The following ALX1 variants were observed in gnomAD, a reference collection of about 807,000 sequenced individuals.
ALX1 encodes the protein ALX homeobox protein 1.
A neutral mutation model predicts 31.7 loss-of-function variants in ALX1; 19 were observed. The observed-to-expected ratio is 0.60, with a 90% CI of 0.42 to 0.88. ALX1 has a LOEUF of 0.88. Among genes scored for constraint, ALX1 ranks in the 40% least tolerant of loss-of-function variants. The probability of loss-of-function intolerance (pLI) is 0.00; values close to 1 mark genes in which losing one functional copy is unlikely to be tolerated. For synonymous variants in ALX1, 153 were observed against 148.8 expected (o/e 1.03, Z -0.20); for missense variants, 415 against 407.8 (o/e 1.02, Z -0.15).
chr12:85,295,770 C>T (rs1051771762), intron 3 of ALX1, among the ~76,000 whole-genome samples: 2 of 151,182 alleles, frequency 1.3e-5, no homozygotes, highest in South Asian at 2.1e-4. Context: ...TAAATATGAT[C>T]GATGTTGGTG....
chr12:85,298,356 G>A (rs76409154), intron 3 of ALX1, among the ~76,000 whole-genome samples: 1 of 151,610 alleles, frequency 6.6e-6, no homozygotes, highest in Admixed American at 6.6e-5. Flanking sequence ...AATGCCTCAC[G>A]CATGGTAATT....
At chr12:85,291,159 T>G (rs1375315508) in intron 3 of ALX1, among the ~76,000 whole-genome samples, 1 of 151,164 alleles carries the variant, frequency 6.6e-6, no homozygotes, top group African/African-American at 2.4e-5. Context: ...AATTTCTTCC[T>G]CTGTTCAAAA....
intron 3 of ALX1, among the ~76,000 whole-genome samples, chr12:85,288,321 C>CA (rs1276710605): frequency 6.6e-6 from 1 of 151,488 alleles, no homozygotes; most frequent in Non-Finnish European, 1.5e-5. Context: ...ATCTCCTTGC[C>CA]ATAGGAGGAA....
At chr12:85,292,272 C>A (rs1170715929) in intron 3 of ALX1, among the ~76,000 whole-genome samples, 1 of 150,902 alleles carries the variant, frequency 6.6e-6, no homozygotes, top group African/African-American at 2.4e-5. Flanking sequence ...AATTGAAAAC[C>A]AAATACGGTA....
rs764562708 is a variant in ALX1 at position 85,301,144 on chromosome 12, A to T, written c.661-11A>T. 1 of 1,613,696 alleles carries T rather than the reference A, an allele frequency of 6.2e-7. No individual in the cohort carries two copies. On this transcript the variant is annotated splice_polypyrimidine_tract_variant and intron_variant, in intron 3 of 3. Coordinates refer to ENST00000316824, the MANE Select transcript of ALX1 (RefSeq NM_006982.3). ...ATGTAAATGTAATATTTGTTGTTTT[A>T]TATATTCCAGATTCAGAACAATTTG...
At chr12:85,288,112 G>A (rs549686806) in intron 3 of ALX1, among the ~76,000 whole-genome samples, 1 of 151,426 alleles carries the variant, frequency 6.6e-6, no homozygotes, top group Non-Finnish European at 1.5e-5. Flanking sequence ...TTAAATAAAA[G>A]AAGTCTTGGA....
intron 3 of ALX1, among the ~76,000 whole-genome samples, chr12:85,295,992 G>T (rs1375081948): frequency 6.6e-6 from 1 of 151,428 alleles, no homozygotes; most frequent in African/African-American, 2.4e-5. Context: ...ACTATAAAAT[G>T]CTATCATGAA....
At chr12:85,294,630 T>C (rs1896862890) in intron 3 of ALX1, among the ~76,000 whole-genome samples, 1 of 151,194 alleles carries the variant, frequency 6.6e-6, no homozygotes, top group African/African-American at 2.4e-5. Flanking sequence ...CACATTTATA[T>C]GATGTTATGC....
chr12:85,280,848 CG>C (rs566532576), intron 1 of ALX1, among the ~76,000 whole-genome samples: 47 of 152,140 alleles, frequency 3.1e-4, no homozygotes, highest in African/African-American at 1.1e-3. Context: ...GCTTCCTCTG[CG>C]AGCCCGCCTT....
rs750676414 is a variant in ALX1, at chr12:85,283,664, G to T, written c.319G>T (p.Val107Leu). 1 of 1,614,108 alleles carries T rather than the reference G, an allele frequency of 6.2e-7. No individual in the cohort carries two copies. The highest frequency in any genetic ancestry group is 8.5e-7 in the Non-Finnish European group (1 of 1,180,000). Residue 107 changes from valine (V) to leucine (L), a missense_variant, in exon 2 of 4, where the codon GTG (valine) becomes TTG (leucine). By Grantham distance (32) the Val-to-Leu change is conservative. Around this residue, in one of 3 missense-constraint regions of ALX1, gnomAD observed 235 missense variants for 208.9 expected, o/e 1.13. Transcript: ENST00000316824. ...DNCNSLRMSPVKGMQEKGELD... is the reference protein window; with the variant it reads ...DNCNSLRMSPLKGMQEKGELD... ...CTGTAACAGTCTCCGAATGTCTCCCGTGAAAGGGATGCAAGAGAAGGGAGA... is the reference window on the plus strand; with the variant it reads ...CTGTAACAGTCTCCGAATGTCTCCCTTGAAAGGGATGCAAGAGAAGGGAGA...
Position 85,280,444 on chromosome 12 carries a change from T to G in ALX1, c.183T>G (p.His61Gln). The G allele has an allele frequency of 6.2e-7, 1 of 1,611,954 alleles. No individual in the cohort carries two copies. Among genetic ancestry groups the G allele is most frequent in the Non-Finnish European group, 8.5e-7 (1 of 1,179,970 alleles). The stretch of plus-strand genomic sequence containing the variant: ...TCGGACCCCTGCCCCGCGCCGAGCA[T>G]CACGTGCGCTTGGAGAGGACCTCGC... ...QAFGPLPRAEHHVRLERTSPC... is the reference protein window; with the variant it reads ...QAFGPLPRAEQHVRLERTSPC... Residue 61 changes from histidine to glutamine, a missense_variant, in exon 1 of 4, where the codon CAT (histidine) becomes CAG (glutamine). Physicochemically the swap from His to Gln is conservative, Grantham distance 24. Around this residue, in one of 3 missense-constraint regions of ALX1, gnomAD observed 235 missense variants for 208.9 expected, o/e 1.13. Transcript: ENST00000316824.
intron 3 of ALX1, among the ~76,000 whole-genome samples, chr12:85,295,077 T>C (rs1565943022): frequency 6.6e-6 from 1 of 151,404 alleles, no homozygotes; most frequent in Non-Finnish European, 1.5e-5. Context: ...CCCTCACTTT[T>C]ACCTTAGGCA....
intron 3 of ALX1, among the ~76,000 whole-genome samples, chr12:85,296,979 C>T (rs569821807): frequency 3.3e-5 from 5 of 151,644 alleles, no homozygotes; most frequent in African/African-American, 1.2e-4. Context: ...AATCAGAGTG[C>T]GATTTTGATG....
intron 3 of ALX1, among the ~76,000 whole-genome samples, chr12:85,289,473 A>G (rs891869294): frequency 2.6e-5 from 4 of 151,364 alleles, no homozygotes; most frequent in Middle Eastern, 3.4e-3. Context: ...TTTCACTCCA[A>G]TGAAAAATTA....
intron 2 of ALX1, among the ~76,000 whole-genome samples, chr12:85,286,583 A>G (rs938363334): frequency 6.6e-6 from 1 of 151,906 alleles, no homozygotes; most frequent in African/African-American, 2.4e-5. Flanking sequence ...TTTTCCATAA[A>G]TGAGAAAACA....
intron 3 of ALX1, among the ~76,000 whole-genome samples, chr12:85,288,869 G>C (rs1006520101): frequency 4.0e-5 from 6 of 151,298 alleles, no homozygotes; most frequent in African/African-American, 1.5e-4. Flanking sequence ...GTAAGTCTGC[G>C]CTTTAGTGTC....
chr12:85,283,608 T>C lies in ALX1; in HGVS notation c.263T>C (p.Leu88Pro). ...YGITKVEGQP[L>P]HTELNRAMDN... is the part of the protein sequence containing the mutation. Reference sequence around the variant, plus strand: ...ATCACTAAAGTAGAAGGACAGCCCCTTCACACCGAACTGAATAGAGCTATG... The same window carrying C: ...ATCACTAAAGTAGAAGGACAGCCCCCTCACACCGAACTGAATAGAGCTATG... The change falls in exon 2 of 4, where the codon CTT becomes CCT. Residue 88 changes from leucine to proline, a missense_variant. Physicochemically the swap from Leu to Pro is moderately conservative, Grantham distance 98. This residue lies in a region of ALX1 where 235 missense variants were observed against 208.9 expected (regional missense o/e 1.13). Coordinates refer to ENST00000316824, the MANE Select transcript of ALX1 (RefSeq NM_006982.3). 1 of 1,614,126 alleles carries C rather than the reference T, an allele frequency of 6.2e-7. No individual in the cohort carries two copies. Among genetic ancestry groups the C allele is most frequent in the Non-Finnish European group, 8.5e-7 (1 of 1,180,008 alleles).
intron 1 of ALX1, 104 bp downstream of exon 1, chr12:85,280,591 C>CT (rs1430929324): frequency 1.6e-6 from 2 of 1,269,692 alleles, no homozygotes; most frequent in East Asian, 5.0e-5. Flanking sequence ...AAAGTGGGAG[C>CT]GAGGGACCTG....
intron 3 of ALX1, among the ~76,000 whole-genome samples, chr12:85,300,444 A>G (rs895486409): frequency 1.3e-5 from 2 of 152,058 alleles, no homozygotes; most frequent in African/African-American, 4.8e-5. Context: ...CTATGATTCC[A>G]TTATTTGGTA....
Sources: gnomAD v4.1 joint callset for allele counts (sites outside exome capture counted in the v4.1 genomes callset) on GRCh38, gnomAD v4.1.1 for gene constraint, gnomAD v4.1.1 regional missense constraint, MANE v1.5 for transcripts, NCBI Gene and HGNC (gene_info 2026-07-23, HGNC 2026-07-21) for gene names.